ZNF423: variants seen among roughly 807,000 people sequenced by gnomAD.
The protein encoded by ZNF423 is Ebf-associated zinc finger protein.
ZNF423 carries 12 observed loss-of-function variants against 95.8 expected under a neutral mutation model. The ratio of observed to expected loss-of-function variants is 0.13; its 90% CI spans 0.08 to 0.20. The LOEUF is 0.20. ZNF423 is among the 10% of genes least tolerant of loss of function. The pLI is 1.00. For synonymous variants in ZNF423, 749 were observed against 711.9 expected (o/e 1.05, Z -0.83); for missense variants, 1,316 against 1,737.1 (o/e 0.76, Z 4.31).
At chr16:49,814,986 T>G (rs1245459882) in intron 1 of ZNF423, among the ~76,000 whole-genome samples, 2 of 152,212 alleles carry the variant, frequency 1.3e-5, no homozygotes, top group East Asian at 3.9e-4. Context: ...CCCACACGTG[T>G]GTCCTAGAAT....
chr16:49,845,512 C>T (rs1038225904), intron 1 of ZNF423, among the ~76,000 whole-genome samples: 3 of 151,394 alleles, frequency 2.0e-5, no homozygotes, highest in Admixed American at 1.3e-4. Flanking sequence ...TTCTGAGCCA[C>T]CACGGCTCCC....
upstream of ZNF423, among the ~76,000 whole-genome samples, chr16:49,858,695 G>A (rs533247236): frequency 8.4e-5 from 12 of 143,248 alleles, no homozygotes; most frequent in South Asian, 2.7e-3. The surrounding 1 kb of genome is among the most constrained non-coding windows in gnomAD (Gnocchi z 4.3). Context: ...CCAACATCTC[G>A]GCCTTCCCGG....
intron 1 of ZNF423, among the ~76,000 whole-genome samples, chr16:49,830,546 C>T (rs1325348884): frequency 6.6e-6 from 1 of 152,158 alleles, no homozygotes; most frequent in East Asian, 1.9e-4. Context: ...ATGCCGTTGT[C>T]AACACAGTGA....
chr16:49,815,092 T>A (rs572516619), intron 1 of ZNF423, among the ~76,000 whole-genome samples: 34 of 152,232 alleles, frequency 2.2e-4, no homozygotes, highest in African/African-American at 7.9e-4. Flanking sequence ...GCTCGGCCGC[T>A]CATCAGCTGT....
chr16:49,809,652 C>T (rs992472699), intron 1 of ZNF423, among the ~76,000 whole-genome samples: 2 of 152,220 alleles, frequency 1.3e-5, no homozygotes, highest in Non-Finnish European at 2.9e-5. Context: ...CCTCCCATAG[C>T]AGACCACATG....
intron 5 of ZNF423, among the ~76,000 whole-genome samples, chr16:49,602,462 C>A (rs916515867): frequency 1.3e-5 from 2 of 152,180 alleles, no homozygotes; most frequent in Non-Finnish European, 2.9e-5. Flanking sequence ...GGTCAGCTGG[C>A]AGGTCATGAA....
chr16:49,839,446 G>A (rs554994963), intron 1 of ZNF423, among the ~76,000 whole-genome samples: 1 of 152,310 alleles, frequency 6.6e-6, no homozygotes, highest in African/African-American at 2.4e-5. Context: ...ACAGGGAGCA[G>A]TGCAGTGGCC....
intron 3 of ZNF423, among the ~76,000 whole-genome samples, chr16:49,652,202 C>T (rs964496267): frequency 3.3e-5 from 5 of 151,460 alleles, no homozygotes; most frequent in African/African-American, 4.9e-5. Context: ...AGGGCAAGGA[C>T]GCGTCCACCT....
chr16:49,582,947 T>C (rs9932213), intron 5 of ZNF423, among the ~76,000 whole-genome samples: 14,679 of 152,242 alleles, frequency 0.096, 1,702 homozygotes, highest in African/African-American at 0.28. Context: ...TGTGAATATC[T>C]TGCTGACATC....
chr16:49,491,408 C>G (rs1443439959), intron 7 of ZNF423, 104 bp from the exon 8 acceptor site: 2 of 1,418,482 alleles, frequency 1.4e-6, no homozygotes, highest in Non-Finnish European at 2.0e-6. Flanking sequence ...AAAAGCGTCT[C>G]GATTATAACA....
chr16:49,516,966 C>G (rs1470656270), intron 7 of ZNF423, among the ~76,000 whole-genome samples: 1 of 152,162 alleles, frequency 6.6e-6, no homozygotes. Flanking sequence ...GTTGAGCTAC[C>G]TAGGGTGTCT....
intron 5 of ZNF423, among the ~76,000 whole-genome samples, chr16:49,573,945 C>A (rs1186618041): frequency 6.6e-6 from 1 of 152,206 alleles, no homozygotes; most frequent in East Asian, 1.9e-4. Context: ...TGCTGATCAT[C>A]CCCACGCCTT....
At position 49,702,992 on chromosome 16, in the gene ZNF423, T is replaced by G. The variant is rs548267551; in HGVS notation, c.301+27779A>C. ...GCACCATATGCTCATGTTCATAAAA[T>G]TTTAAAGGTAAAAGCAGATGTAATT... On this transcript the variant is annotated intron_variant, in intron 3 of 7. Transcript: ENST00000563137. Among the ~76,000 whole-genome samples, 66 of 151,960 alleles carry G rather than the reference T, an allele frequency of 4.3e-4. 1 individual carries two copies. The highest frequency in any genetic ancestry group is 6.8e-3 in the Middle Eastern group (2 of 294).
At chr16:49,766,997 G>T (rs1215765468) in intron 2 of ZNF423, among the ~76,000 whole-genome samples, 11 of 150,428 alleles carry the variant, frequency 7.3e-5, no homozygotes, top group African/African-American at 2.7e-4. Context: ...TAGAGGCAGG[G>T]TCTCACTCTG....
rs978302870 is a variant in ZNF423 at position 49,614,339 on chromosome 16, A to G, written c.3601+11831T>C. The stretch of plus-strand genomic sequence containing the variant: ...CGTAGAGAAATGTGATCTTTCCTAC[A>G]TTGCTGGTAGGAATGTAAAATGGCA... On this transcript the variant is annotated intron_variant, in intron 5 of 7. Transcript: ENST00000563137. 2.6e-5 allele frequency among the ~76,000 whole-genome samples: 4 copies of G among 152,254 alleles called. No homozygotes were observed. In the East Asian group the frequency reaches 7.7e-4, roughly 29 times the overall value.
At chr16:49,653,731 T>C (rs1973501038) in intron 3 of ZNF423, among the ~76,000 whole-genome samples, 1 of 152,200 alleles carries the variant, frequency 6.6e-6, no homozygotes, top group South Asian at 2.1e-4. Flanking sequence ...CACTGTGGCA[T>C]GCCAAACCTA....
At chr16:49,606,494 ATTATCCCAGGGGGTGATG>A (rs1366031917) in intron 5 of ZNF423, among the ~76,000 whole-genome samples, 1 of 152,198 alleles carries the variant, frequency 6.6e-6, no homozygotes, top group Non-Finnish European at 1.5e-5. Context: ...ACCAACCTGA[ATTATCCCAGGGGGTGATG>A]TGGTAGCCCT....
chr16:49,774,938 G>A (rs565199637), intron 2 of ZNF423, among the ~76,000 whole-genome samples: 162 of 152,322 alleles, frequency 1.1e-3, no homozygotes, highest in African/African-American at 3.8e-3. Context: ...CAGGCATGTT[G>A]AGGGCCCTTG....
chr16:49,580,840 C>T (rs914870195), intron 5 of ZNF423, among the ~76,000 whole-genome samples: 7 of 152,140 alleles, frequency 4.6e-5, no homozygotes, highest in African/African-American at 1.2e-4. Context: ...AGAGAGCCTA[C>T]AGGGTGCTCT....
Sources: gnomAD v4.1 joint callset for allele counts (sites outside exome capture counted in the v4.1 genomes callset) on GRCh38, gnomAD v4.1.1 for gene constraint, Gnocchi (gnomAD v3.1) non-coding constraint, MANE v1.5 for transcripts, NCBI Gene and HGNC (gene_info 2026-07-23, HGNC 2026-07-21) for gene names.